CREM: variants seen among roughly 807,000 people sequenced by gnomAD.
CREM encodes cAMP responsive element modulator.
In CREM, 13 loss-of-function variants were observed where a neutral mutation model predicts 37.3. The observed-to-expected ratio is 0.35, with a 90% CI of 0.23 to 0.55. The LOEUF (loss-of-function observed/expected upper bound fraction) is 0.55. Among genes scored for constraint, CREM ranks in the 20% least tolerant of loss-of-function variants. The probability of loss-of-function intolerance (pLI) is 0.88; values close to 1 mark genes in which losing one functional copy is unlikely to be tolerated. For missense variants in CREM, 296 were observed against 362.3 expected (o/e 0.82, Z 1.49); for synonymous variants, 124 against 120.2 (o/e 1.03, Z -0.21).
In CREM at chr10:35,211,596, C is replaced by G; in HGVS notation, c.*198C>G. The G allele has an allele frequency of 6.3e-7, 1 of 1,579,334 alleles. No homozygotes were observed. The highest frequency in any genetic ancestry group is 1.2e-5 in the South Asian group (1 of 86,006). On this transcript the variant is annotated 3_prime_UTR_variant, in exon 8 of 8. Transcript: ENST00000685392. ...TCACACTTACCGAGCTTACTTTGAT[C>G]TGTTTGTCAATAGCATGCAAAAAAT...
chr10:35,145,895 A>G (rs1429272260), intron 2 of CREM, among the ~76,000 whole-genome samples: 1 of 152,170 alleles, frequency 6.6e-6, no homozygotes, highest in Non-Finnish European at 1.5e-5. Flanking sequence ...TGCATATAAG[A>G]AGTTAAATTC....
chr10:35,134,415 C>T (rs2090071200), intron 1 of CREM, among the ~76,000 whole-genome samples: 1 of 152,114 alleles, frequency 6.6e-6, no homozygotes, highest in Non-Finnish European at 1.5e-5. Context: ...CAGGGTTTCG[C>T]CATGTTGGCC....
intron 3 of CREM, among the ~76,000 whole-genome samples, chr10:35,161,183 C>G (rs2093271601): frequency 6.6e-6 from 1 of 151,944 alleles, no homozygotes; most frequent in Non-Finnish European, 1.5e-5. Context: ...GTTGCCCATG[C>G]TGGTGTGTGG....
chr10:35,128,713 A>C (rs1269036240), intron 1 of CREM, among the ~76,000 whole-genome samples: 1 of 151,396 alleles, frequency 6.6e-6, no homozygotes, highest in Non-Finnish European at 1.5e-5. Context: ...TTTTAGTAGA[A>C]ACGGGGTTTC....
At chr10:35,161,506 T>TA (rs1363731027) in intron 3 of CREM, among the ~76,000 whole-genome samples, 4 of 149,448 alleles carry the variant, frequency 2.7e-5, no homozygotes, top group South Asian at 4.3e-4. Flanking sequence ...AAACAAAAAA[T>TA]AAAAAAAATT....
At chr10:35,141,159 G>A (rs1221572269) in intron 2 of CREM, among the ~76,000 whole-genome samples, 2 of 152,116 alleles carry the variant, frequency 1.3e-5, no homozygotes, top group Non-Finnish European at 2.9e-5. Flanking sequence ...TGTTGCCCAG[G>A]CTGGAAGAAC....
At chr10:35,206,461 C>G (rs756998889) in intron 6 of CREM, among the ~76,000 whole-genome samples, 1 of 152,170 alleles carries the variant, frequency 6.6e-6, no homozygotes, top group Non-Finnish European at 1.5e-5. Flanking sequence ...CAACTCTACG[C>G]TCAGGAAAGT....
chr10:35,147,981 G>T (rs1213386), intron 2 of CREM, among the ~76,000 whole-genome samples: 1 of 151,966 alleles, frequency 6.6e-6, no homozygotes, highest in African/African-American at 2.4e-5. Context: ...TACAGGTTGA[G>T]TATCCCTTAT....
chr10:35,150,069 T>C (rs911978061), intron 3 of CREM, among the ~76,000 whole-genome samples: 1 of 152,208 alleles, frequency 6.6e-6, no homozygotes, highest in African/African-American at 2.4e-5. Flanking sequence ...CTTTAGTCTT[T>C]TTGTCTGTGT....
intron 1 of CREM, among the ~76,000 whole-genome samples, chr10:35,129,866 T>C (rs1286016015): frequency 1.3e-5 from 2 of 152,170 alleles, no homozygotes; most frequent in Non-Finnish European, 1.5e-5. Flanking sequence ...TATTGTACAT[T>C]GAATACAGTT....
intron 2 of CREM, among the ~76,000 whole-genome samples, chr10:35,147,045 T>TG (rs1564813176): frequency 5.8e-5 from 4 of 68,528 alleles, no homozygotes; most frequent in South Asian, 5.9e-4. Context: ...TTTTGGGTTT[T>TG]TTTTTTTTTT....
In CREM at chr10:35,206,955, G is replaced by A. The variant is rs1381532135; in HGVS notation, c.659G>A (p.Gly220Glu). 8 of 1,613,962 alleles carry A rather than the reference G, an allele frequency of 5.0e-6. No individual in the cohort carries two copies. The highest frequency in any genetic ancestry group is 2.7e-5 in the African/African-American group (2 of 74,936). ...IRAPTAALPQ[G>E]VVMAASPGSL... ...GCTCCTACTGCTGCTTTGCCACAGG[G>A]AGTGGTGATGGCTGCATCGCCCGGA... The change falls in exon 7 of 8, where the codon GGA becomes GAA. Residue 220 changes from glycine (G) to glutamate (E), a missense_variant. Gly to Glu is a moderately conservative substitution (Grantham distance 98, BLOSUM62 -2). Around this residue, in one of 2 missense-constraint regions of CREM, gnomAD observed 257 missense variants for 280.2 expected, o/e 0.92. Transcript: ENST00000685392.
At chr10:35,178,122 C>T (rs2094178174) in intron 3 of CREM, among the ~76,000 whole-genome samples, 1 of 152,004 alleles carries the variant, frequency 6.6e-6, no homozygotes, top group Non-Finnish European at 1.5e-5. Context: ...ACTCTGCTAC[C>T]CTAGGCCCTC....
rs146701972 is a variant in CREM at position 35,211,695 on chromosome 10, T to C, written c.*297T>C. The C allele has an allele frequency of 2.0e-5, 32 of 1,613,788 alleles. No individual in the cohort carries two copies. Among genetic ancestry groups the C allele is most frequent in the Non-Finnish European group, 2.5e-5 (29 of 1,179,970 alleles). On this transcript the variant is annotated 3_prime_UTR_variant, in exon 8 of 8. Transcript: ENST00000685392. ...AATGTCGACGTCGAAAGAAAGAATATGTAAAATGTCTGGAGAGCCGAGTTG... is the reference window on the plus strand; with the variant it reads ...AATGTCGACGTCGAAAGAAAGAATACGTAAAATGTCTGGAGAGCCGAGTTG...
chr10:35,189,892 T>C (rs1324453795), intron 6 of CREM, among the ~76,000 whole-genome samples: 1 of 152,222 alleles, frequency 6.6e-6, no homozygotes, highest in Non-Finnish European at 1.5e-5. Flanking sequence ...TTGATAATTA[T>C]ACTCAGGTAT....
intron 3 of CREM, among the ~76,000 whole-genome samples, chr10:35,151,212 C>A (rs1033506394): frequency 1.1e-4 from 16 of 152,130 alleles, no homozygotes; most frequent in Admixed American, 5.2e-4. Flanking sequence ...CCTGTGTTTA[C>A]GTTTGTAATG....
chr10:35,156,174 C>T (rs1367694202), intron 3 of CREM, among the ~76,000 whole-genome samples: 3 of 149,206 alleles, frequency 2.0e-5, no homozygotes, highest in East Asian at 2.0e-4. Context: ...CTCCTGACCT[C>T]GTGATCCATC....
In CREM at chr10:35,211,506, C is replaced by A; in HGVS notation, c.*108C>A. 1 of 1,504,894 alleles carries A rather than the reference C, an allele frequency of 6.6e-7. No homozygotes were observed. The highest frequency in any genetic ancestry group is 9.0e-7 in the Non-Finnish European group (1 of 1,114,910). 93.2% of individuals were successfully genotyped at this position (1,504,894 alleles called of 1,614,324 possible). A position where few individuals can be genotyped will look rare whatever the true frequency, so the allele number is the denominator to read the frequency against. On this transcript the variant is annotated 3_prime_UTR_variant, in exon 8 of 8. Transcript: ENST00000685392. ...AGGACACGTGTGACCCTTAAGAATC[C>A]AGTTTGGATTAGTGTTTGAAATTGA...
chr10:35,184,653 A>G (rs902145346), intron 5 of CREM, among the ~76,000 whole-genome samples: 1 of 152,158 alleles, frequency 6.6e-6, no homozygotes, highest in African/African-American at 2.4e-5. Context: ...TGTTTTCCAT[A>G]TCTAATTATA....
Sources: allele counts gnomAD v4.1 joint callset (sites outside exome capture counted in the v4.1 genomes callset), GRCh38; gene constraint gnomAD v4.1.1; regional missense constraint gnomAD v4.1.1; transcripts MANE v1.5; gene names NCBI Gene and HGNC (gene_info 2026-07-23, HGNC 2026-07-21).